The following DUSP13A variants were observed in gnomAD, a reference collection of about 807,000 sequenced individuals.
The protein encoded by DUSP13A is dual specificity protein phosphatase 13A.
the DUSP13A span, chr10:75,109,009 G>A: frequency 2.5e-5 from 40 of 1,600,434 alleles, no homozygotes; most frequent in South Asian, 3.4e-5. Flanking sequence ...TACCACTCAC[G>A]CATCTCCTAT....
the DUSP13A span, chr10:75,105,797 G>T: frequency 3.9e-6 from 6 of 1,550,962 alleles, no homozygotes; most frequent in Non-Finnish European, 5.2e-6. Context: ...AGCCGCTGGT[G>T]CAGCATGAGG....
chr10:75,108,986 C>A, the DUSP13A span: 1 of 1,583,708 alleles, frequency 6.3e-7, no homozygotes, highest in South Asian at 1.2e-5. Context: ...CACCCCCATG[C>A]CCCTTGGCCA....
chr10:75,108,586 C>T, the DUSP13A span, among the ~76,000 whole-genome samples: 1 of 152,158 alleles, frequency 6.6e-6, no homozygotes, highest in African/African-American at 2.4e-5. Context: ...TGCTTCTAAC[C>T]TACAAATGTT....
chr10:75,105,940 A>C, the DUSP13A span: 1 of 1,439,142 alleles, frequency 6.9e-7, no homozygotes, highest in Non-Finnish European at 9.5e-7. Flanking sequence ...TGGGGACCCA[A>C]GTTCCTTTCC....
At chr10:75,108,806 C>T in the DUSP13A span, among the ~76,000 whole-genome samples, 3 of 152,158 alleles carry the variant, frequency 2.0e-5, no homozygotes, top group African/African-American at 4.8e-5. Flanking sequence ...TTCAGGCAGG[C>T]GAAGTCCCTG....
the DUSP13A span, chr10:75,108,218 G>A: frequency 1.3e-6 from 2 of 1,585,918 alleles, no homozygotes; most frequent in African/African-American, 2.7e-5. Context: ...CCCTGGGGAG[G>A]GCAGGAAGGG....
chr10:75,109,028 T>C, the DUSP13A span: 3 of 1,610,128 alleles, frequency 1.9e-6, no homozygotes, highest in East Asian at 2.2e-5. Context: ...ATGAAAAGGT[T>C]GGGCCAAACT....
the DUSP13A span, among the ~76,000 whole-genome samples, chr10:75,107,262 G>A: frequency 6.6e-6 from 1 of 151,728 alleles, no homozygotes; most frequent in Non-Finnish European, 1.5e-5. Flanking sequence ...TTGAAGCCCA[G>A]AGGCAGAGGT....
At chr10:75,108,950 G>A in the DUSP13A span, 11 of 1,537,552 alleles carry the variant, frequency 7.2e-6, no homozygotes, top group Admixed American at 7.6e-5. Flanking sequence ...CTGGTAAAGC[G>A]ACCAAGAACT....
At chr10:75,107,893 A>T in the DUSP13A span, 73 of 1,378,372 alleles carry the variant, frequency 5.3e-5, no homozygotes, top group Admixed American at 9.0e-4. Context: ...GAGGATTTTT[A>T]AAAAGCAGGG....
chr10:75,107,328 C>T, the DUSP13A span, among the ~76,000 whole-genome samples: 2 of 149,130 alleles, frequency 1.3e-5, no homozygotes, highest in Non-Finnish European at 3.0e-5. Context: ...GCTTGGGTAG[C>T]ACTGAGACTC....
At chr10:75,106,098 TTTC>T in the DUSP13A span, among the ~76,000 whole-genome samples, 8,089 of 112,936 alleles carry the variant, frequency 0.072, 331 homozygotes, top group African/African-American at 0.17. Flanking sequence ...TTTTCTTTCT[TTTC>T]TTTTTTTTTT....
At chr10:75,105,741 G>A in the DUSP13A span, 1 of 1,554,494 alleles carries the variant, frequency 6.4e-7, no homozygotes, top group Non-Finnish European at 8.7e-7. Context: ...GGTTGGGGAA[G>A]ACCCATCGGT....
At chr10:75,108,997 G>A in the DUSP13A span, 2 of 1,592,014 alleles carry the variant, frequency 1.3e-6, no homozygotes. Flanking sequence ...CCCTTGGCCA[G>A]CTACCACTCA....
the DUSP13A span, chr10:75,108,986 C>T: frequency 6.3e-7 from 1 of 1,583,706 alleles, no homozygotes; most frequent in Admixed American, 1.7e-5. Context: ...CACCCCCATG[C>T]CCCTTGGCCA....
chr10:75,105,909 C>T, the DUSP13A span: 2 of 1,528,886 alleles, frequency 1.3e-6, no homozygotes, highest in Admixed American at 2.0e-5. Context: ...TCCCACACAC[C>T]GGCCCACCCA....
the DUSP13A span, among the ~76,000 whole-genome samples, chr10:75,107,663 GC>G: frequency 8.4e-4 from 128 of 152,048 alleles, no homozygotes; most frequent in African/African-American, 3.0e-3. Context: ...TGCAACCTCC[GC>G]CCCCCATGTT....
chr10:75,108,342 TG>T, the DUSP13A span: 61 of 1,438,368 alleles, frequency 4.2e-5, 1 homozygote, highest in African/African-American at 8.3e-4. Context: ...AAGCTCCAAG[TG>T]GGGTCTGACT....
At chr10:75,108,387 G>A in the DUSP13A span, 1 of 1,206,202 alleles carries the variant, frequency 8.3e-7, no homozygotes, top group South Asian at 1.8e-5. Context: ...CGCACTTTCT[G>A]GTGGCTGAGC....
Sources: gnomAD v4.1 joint callset for allele counts (sites outside exome capture counted in the v4.1 genomes callset) on GRCh38, gnomAD v4.1.1 for gene constraint, MANE v1.5 for transcripts, NCBI Gene and HGNC (gene_info 2026-07-23, HGNC 2026-07-21) for gene names.